Variants in SYNE2 observed in about 807,000 individuals in gnomAD.
SYNE2 encodes spectrin repeat containing nuclear envelope protein 2.
A neutral mutation model predicts 856.3 loss-of-function variants in SYNE2; 431 were observed. The observed-to-expected ratio is 0.50, with a 90% CI of 0.47 to 0.55. The LOEUF is 0.55. Ranked by LOEUF, SYNE2 falls within the 20% of genes least tolerant of loss-of-function variation. SYNE2 has a pLI of 0.00. For synonymous variants in SYNE2, 2,923 were observed against 2,872.3 expected (o/e 1.02, Z -0.56); for missense variants, 8,129 against 8,023.2 (o/e 1.01, Z -0.50).
intron 3 of SYNE2, 81 bp downstream of exon 3, chr14:63,940,756 A>C: frequency 7.7e-7 from 1 of 1,292,274 alleles, no homozygotes; most frequent in African/African-American, 1.5e-5. Flanking sequence ...CAAGGAGGCC[A>C]TTAAAAAATG....
chr14:63,771,638 C>A (rs530304953), intron 1 of SYNE2, among the ~76,000 whole-genome samples: 1 of 152,222 alleles, frequency 6.6e-6, no homozygotes, highest in East Asian at 1.9e-4. Context: ...GTGGCTTACG[C>A]CTGTAATCCC....
rs992157064 is a variant in SYNE2 at position 63,985,994 on chromosome 14, C to T, written c.2152-462C>T. Among the ~76,000 whole-genome samples the T allele has an allele frequency of 2.3e-4, 35 of 152,228 alleles. No homozygotes were observed. In the East Asian group the frequency reaches 3.5e-3, roughly 15 times the overall value. The stretch of plus-strand genomic sequence containing the variant: ...CTGTACTCCAGCCTGGGCAATAAAG[C>T]GAGACCTCATATAGAAGAAAAAAGT... On this transcript the variant is annotated intron_variant, in intron 18 of 115. Coordinates refer to ENST00000555002, the MANE Select transcript of SYNE2 (RefSeq NM_182914.3).
intron 1 of SYNE2, among the ~76,000 whole-genome samples, chr14:63,893,944 A>G (rs887530925): frequency 2.0e-5 from 3 of 152,188 alleles, no homozygotes; most frequent in African/African-American, 4.8e-5. Context: ...CTTGGCTGGG[A>G]TGCAGGGCTG....
At position 64,049,693 on chromosome 14, in the gene SYNE2, G is replaced by A. The variant is rs770103633; in HGVS notation, c.7460G>A (p.Gly2487Glu). ...QTECLNKTET[G>E]ALVLHNIGYS... ...GAATGTCTTAACAAAACAGAAACTG[G>A]GGCCTTGGTTCTCCACAATATAGGA... Residue 2487 changes from glycine (G) to glutamate (E), a missense_variant, in exon 47 of 116, where the codon GGG (glycine) becomes GAG (glutamate). Transcript: ENST00000555002. 1.2e-6 allele frequency: 2 copies of A among 1,613,936 alleles called. No individual in the cohort carries two copies. The highest frequency in any genetic ancestry group is 1.7e-6 in the Non-Finnish European group (2 of 1,180,032).
At chr14:63,831,954 C>T (rs930529671) in intron 1 of SYNE2, among the ~76,000 whole-genome samples, 3 of 151,932 alleles carry the variant, frequency 2.0e-5, no homozygotes, top group Admixed American at 6.6e-5. Flanking sequence ...TTTCAATATT[C>T]AAGAGACATT....
intron 64 of SYNE2, 92 bp downstream of exon 64, chr14:64,102,134 C>T (rs2097735507): frequency 6.7e-6 from 6 of 896,322 alleles, no homozygotes; most frequent in Admixed American, 1.9e-5. Flanking sequence ...TCCCTACACC[C>T]CTGAGACGGA....
At chr14:64,062,395 G>T (rs987024135) in intron 49 of SYNE2, among the ~76,000 whole-genome samples, 9 of 152,268 alleles carry the variant, frequency 5.9e-5, no homozygotes, top group Admixed American at 5.9e-4. Context: ...ATGGGTCAAA[G>T]ATGGGAATAG....
In SYNE2 at chr14:64,053,074, A is replaced by C; in HGVS notation, c.9161A>C (p.Lys3054Thr). ...GGCAAATATCAGGCATTATTAAGTA[A>C]AATGAGAGCTATTGATTTGCAAATT... Reference protein sequence around the residue: ...EHGKYQALLSKMRAIDLQIKK... With the variant: ...EHGKYQALLSTMRAIDLQIKK... The change falls in exon 48 of 116, where the codon AAA (lysine) becomes ACA (threonine). Residue 3054 changes from lysine to threonine, a missense_variant. Around this residue, in one of 3 missense-constraint regions of SYNE2, gnomAD observed 5,410 missense variants for 5,284.8 expected, o/e 1.02. Transcript: ENST00000555002. The C allele has an allele frequency of 6.2e-7, 1 of 1,614,132 alleles. No homozygotes were observed. Among genetic ancestry groups the C allele is most frequent in the Non-Finnish European group, 8.5e-7 (1 of 1,180,024 alleles).
chr14:64,225,592 C>G lies in SYNE2; in HGVS notation c.*66C>G. ...GCCAAGGGTGCCCAGCACGTGGCCCCAGACCAATCTGAGTGACTTAGTGTT... is the reference window on the plus strand; with the variant it reads ...GCCAAGGGTGCCCAGCACGTGGCCCGAGACCAATCTGAGTGACTTAGTGTT... On this transcript the variant is annotated 3_prime_UTR_variant, in exon 116 of 116. Coordinates refer to ENST00000555002, the MANE Select transcript of SYNE2 (RefSeq NM_182914.3). 6.5e-7 allele frequency: 1 copy of G among 1,538,062 alleles called. No homozygotes were observed. Among genetic ancestry groups the G allele is most frequent in the Non-Finnish European group, 8.9e-7 (1 of 1,120,286 alleles).
At chr14:64,191,782 A>C (rs927077313) in intron 99 of SYNE2, among the ~76,000 whole-genome samples, 4 of 152,226 alleles carry the variant, frequency 2.6e-5, no homozygotes, top group Non-Finnish European at 1.5e-5. Context: ...GGGAAAAAAA[A>C]CAAACCTACA....
At chr14:64,038,673 T>A (rs1011378952) in intron 45 of SYNE2, among the ~76,000 whole-genome samples, 1 of 152,168 alleles carries the variant, frequency 6.6e-6, no homozygotes, top group Non-Finnish European at 1.5e-5. Context: ...AAACCCGGTC[T>A]CCATCAAAAA....
At position 64,126,653 on chromosome 14, in the gene SYNE2, A is replaced by G. The variant is rs771728018; in HGVS notation, c.13763A>G (p.Asp4588Gly). Residue 4588 changes from aspartate (D) to glycine (G), a missense_variant, in exon 73 of 116, where the codon GAT becomes GGT. Physicochemically the swap from Asp to Gly is moderately conservative, Grantham distance 94 (BLOSUM62 -1). Transcript: ENST00000555002. The stretch of plus-strand genomic sequence containing the variant: ...TTAGCGCTAAGTGACAAGAAGGGTG[A>G]TCTTTTGAAAGCCATGACTTGGCCT... ...LYLALSDKKG[D>G]LLKAMTWPGE... The G allele has an allele frequency of 1.9e-6, 3 of 1,614,232 alleles. No individual in the cohort carries two copies. Among genetic ancestry groups the G allele is most frequent in the Non-Finnish European group, 2.5e-6 (3 of 1,180,036 alleles).
chr14:64,167,735 G>T (rs1457197231), intron 92 of SYNE2, 96 bp downstream of exon 92: 11 of 1,521,592 alleles, frequency 7.2e-6, no homozygotes, highest in African/African-American at 2.7e-5. Flanking sequence ...GTACCTATCA[G>T]TCCCTAAACA....
intron 83 of SYNE2, 111 bp downstream of exon 83, chr14:64,144,059 AT>A: frequency 2.4e-6 from 3 of 1,243,806 alleles, no homozygotes; most frequent in Non-Finnish European, 3.5e-6. Context: ...CCTAATAATC[AT>A]CTCAACTATA....
chr14:64,190,861 C>G, intron 99 of SYNE2: 1 of 693,154 alleles, frequency 1.4e-6, no homozygotes, highest in Non-Finnish European at 2.7e-6. Context: ...TCTCTCCTCC[C>G]AAAATGATGA....
chr14:64,194,693 C>A (rs2098533124), intron 99 of SYNE2, among the ~76,000 whole-genome samples: 1 of 152,174 alleles, frequency 6.6e-6, no homozygotes, highest in South Asian at 2.1e-4. Flanking sequence ...TCAGAACTGC[C>A]AATATGTGTG....
intron 1 of SYNE2, among the ~76,000 whole-genome samples, chr14:63,839,708 A>G (rs1466552108): frequency 6.6e-6 from 1 of 152,100 alleles, no homozygotes; most frequent in East Asian, 1.9e-4. Flanking sequence ...AAAAATAAAT[A>G]AAGATAGATA....
intron 30 of SYNE2, among the ~76,000 whole-genome samples, chr14:64,004,610 G>T (rs908272356): frequency 6.6e-6 from 1 of 152,066 alleles, no homozygotes; most frequent in Non-Finnish European, 1.5e-5. Context: ...GATTACAGGC[G>T]TGAGCCACCG....
chr14:64,022,172 T>C (rs2096940378), intron 37 of SYNE2, 144 bp downstream of exon 37: 3 of 803,620 alleles, frequency 3.7e-6, no homozygotes, highest in Non-Finnish European at 6.1e-6. Context: ...ATAAATCTTT[T>C]GGGAGCAAAG....
Sources: gnomAD v4.1 joint callset for allele counts (sites outside exome capture counted in the v4.1 genomes callset) on GRCh38, gnomAD v4.1.1 for gene constraint, gnomAD v4.1.1 regional missense constraint, MANE v1.5 for transcripts, NCBI Gene and HGNC (gene_info 2026-07-23, HGNC 2026-07-21) for gene names.